The following SAFB2 variants were observed in gnomAD, a reference collection of about 807,000 sequenced individuals.
SAFB2 encodes scaffold attachment factor B2.
A neutral mutation model predicts 100.6 loss-of-function variants in SAFB2; 32 were observed. The ratio of observed to expected loss-of-function variants is 0.32; its 90% CI spans 0.24 to 0.43. The LOEUF is 0.43. Ranked by LOEUF, SAFB2 falls within the 20% of genes least tolerant of loss-of-function variation. The pLI is 1.00. For synonymous variants in SAFB2, 500 were observed against 439.4 expected (o/e 1.14, Z -1.72); for missense variants, 1,185 against 1,163.4 (o/e 1.02, Z -0.27).
At chr19:5,590,034 G>A (rs920614424) in intron 18 of SAFB2, among the ~76,000 whole-genome samples, 1 of 152,198 alleles carries the variant, frequency 6.6e-6, no homozygotes, top group East Asian at 1.9e-4. Flanking sequence ...GCGACCCCCA[G>A]CTCAAGAATG....
intron 2 of SAFB2, among the ~76,000 whole-genome samples, chr19:5,617,747 T>C (rs938331138): frequency 7.9e-5 from 12 of 152,094 alleles, no homozygotes; most frequent in Admixed American, 4.6e-4. Flanking sequence ...TCGGCCCAAA[T>C]TGTCAACAGT....
At chr19:5,598,745 G>A (rs754371365) in intron 13 of SAFB2, 48 bp downstream of exon 13, 5 of 1,534,004 alleles carry the variant, frequency 3.3e-6, no homozygotes, top group East Asian at 4.5e-5. Flanking sequence ...GGGCCGTGGA[G>A]CCATCGTGAG....
Position 5,598,898 on chromosome 19 carries a change from C to T in SAFB2, c.1691-14G>A, listed in dbSNP as rs1568213921. 6.2e-7 allele frequency: 1 copy of T among 1,613,384 alleles called. No homozygotes were observed. The highest frequency in any genetic ancestry group is 1.1e-5 in the South Asian group (1 of 91,048). Reference sequence around the variant, plus strand: ...TTCCTCTGCTTCCTTCAGGAAAAAACACAACAAACTATCAAAACCTGTGGA... The same window carrying T: ...TTCCTCTGCTTCCTTCAGGAAAAAATACAACAAACTATCAAAACCTGTGGA... On this transcript the variant is annotated splice_polypyrimidine_tract_variant and intron_variant, in intron 12 of 20. Coordinates refer to ENST00000252542, the MANE Select transcript of SAFB2 (RefSeq NM_014649.3).
intron 11 of SAFB2, among the ~76,000 whole-genome samples, chr19:5,601,929 CCT>C (rs1376529325): frequency 3.3e-5 from 5 of 152,004 alleles, no homozygotes; most frequent in Non-Finnish European, 5.9e-5. Flanking sequence ...TGGGATTACC[CCT>C]GACATTTACA....
chr19:5,612,337 GTAT>G, intron 6 of SAFB2, 200 bp downstream of exon 6: 1 of 608,858 alleles, frequency 1.6e-6, no homozygotes. Context: ...TGCACCAAAT[GTAT>G]TTGACCTCAA....
intron 9 of SAFB2, among the ~76,000 whole-genome samples, 156 bp downstream of exon 9, chr19:5,609,839 T>C (rs1431394820): frequency 1.3e-5 from 2 of 152,212 alleles, no homozygotes; most frequent in South Asian, 2.1e-4. Flanking sequence ...CATCTTGCTA[T>C]GTTGCCCAGG....
At chr19:5,613,565 G>C in intron 4 of SAFB2, 38 bp from the exon 5 acceptor site, 1 of 1,603,686 alleles carries the variant, frequency 6.2e-7, no homozygotes, top group Non-Finnish European at 8.5e-7. Context: ...GTGGAGGCTG[G>C]AGCTATGAAA....
intron 9 of SAFB2, among the ~76,000 whole-genome samples, chr19:5,605,777 C>T (rs191956212): frequency 2.0e-5 from 3 of 152,290 alleles, no homozygotes; most frequent in Admixed American, 6.5e-5. Flanking sequence ...ATCAGGCTGC[C>T]CAAGACAACA....
intron 9 of SAFB2, among the ~76,000 whole-genome samples, chr19:5,608,615 T>C (rs949221983): frequency 6.6e-6 from 1 of 152,192 alleles, no homozygotes; most frequent in Non-Finnish European, 1.5e-5. Flanking sequence ...GAACGGCTTC[T>C]GTAGCCAGAA....
intron 18 of SAFB2, among the ~76,000 whole-genome samples, chr19:5,588,520 A>G (rs955652575): frequency 3.3e-5 from 5 of 152,200 alleles, no homozygotes; most frequent in Non-Finnish European, 5.9e-5. Flanking sequence ...AGATAACACT[A>G]TGTAGTGTGT....
chr19:5,621,382 C>A lies in SAFB2; in HGVS notation c.201G>T (p.Glu67Asp). 1 of 1,612,790 alleles carries A rather than the reference C, an allele frequency of 6.2e-7. No individual in the cohort carries two copies. Reference sequence around the variant, plus strand: ...TGCCAATTTCATCAGGATCTTGCCCCTCTTCTTTAACCGCCTATTAGGGAG... The same window carrying A: ...TGCCAATTTCATCAGGATCTTGCCCATCTTCTTTAACCGCCTATTAGGGAG... ...MERLKKAVKE[E>D]GQDPDEIGIE... The change falls in exon 2 of 21, where the codon GAG becomes GAT. Residue 67 changes from glutamate (E) to aspartate (D), a missense_variant. Glu to Asp is a conservative substitution (Grantham distance 45, BLOSUM62 2). Transcript: ENST00000252542.
Position 5,602,259 on chromosome 19 carries a change from C to T in SAFB2, c.1560-1999G>A, listed in dbSNP as rs145908009. Among the ~76,000 whole-genome samples, 52 of 151,914 alleles carry T rather than the reference C, an allele frequency of 3.4e-4. No individual in the cohort carries two copies. The East Asian group carries it at 8.5e-3, about 25-fold the overall frequency. On this transcript the variant is annotated intron_variant, in intron 11 of 20. Coordinates refer to ENST00000252542, the MANE Select transcript of SAFB2 (RefSeq NM_014649.3). ...TTGGGAGGCTGAGGTGGGTGGATCACGAGGTCAGGAGATCAAGACCATCCT... is the reference window on the plus strand; with the variant it reads ...TTGGGAGGCTGAGGTGGGTGGATCATGAGGTCAGGAGATCAAGACCATCCT...
At chr19:5,615,326 G>A (rs543145732) in intron 4 of SAFB2, among the ~76,000 whole-genome samples, 2 of 152,302 alleles carry the variant, frequency 1.3e-5, no homozygotes, top group South Asian at 4.1e-4. Flanking sequence ...CTGCACTCCA[G>A]CCTGGGTGAC....
At position 5,611,488 on chromosome 19, in the gene SAFB2, T is replaced by C; in HGVS notation, c.777A>G (p.Leu259=). 1 of 418,346 alleles carries C rather than the reference T, an allele frequency of 2.4e-6. No individual in the cohort carries two copies. The highest frequency in any genetic ancestry group is 3.7e-5 in the East Asian group (1 of 27,160). 25.9% of individuals were successfully genotyped at this position (418,346 alleles called of 1,614,324 possible). ...CCTCTTCCGGATGGGCGCTGTCAAA[T>C]AGGTCCTCTTCCTCCGCAAGCTTTC... is the stretch of plus-strand genomic sequence containing the variant. The part of the protein sequence containing the change: ...PDRKLAEEED[L]FDSAHPEEGD... The change falls in exon 7 of 21, where the codon CTA becomes CTG. Residue 259 remains leucine (L), a synonymous_variant. Transcript: ENST00000252542.
rs937544517 is a variant in SAFB2, at chr19:5,590,217, C to A, written c.2525+61G>T. The stretch of plus-strand genomic sequence containing the variant: ...AACCTTGGGGACGTGCCTGGCCAGG[C>A]ACCAACCTTTTCCCAGGTTAGGACA... On this transcript the variant is annotated intron_variant, in intron 18 of 20. Transcript: ENST00000252542. The A allele has an allele frequency of 3.6e-6, 5 of 1,384,712 alleles. No homozygotes were observed. The African/African-American group carries it at 5.9e-5, about 16-fold the overall frequency. 85.8% of individuals were successfully genotyped at this position (1,384,712 alleles called of 1,614,324 possible).
chr19:5,618,254 C>G (rs1171102672), intron 2 of SAFB2, among the ~76,000 whole-genome samples: 4 of 152,032 alleles, frequency 2.6e-5, no homozygotes, highest in East Asian at 3.9e-4. Flanking sequence ...CTCAGCTACT[C>G]GGGAGGCTGA....
chr19:5,619,563 G>A (rs2053099533), intron 2 of SAFB2, among the ~76,000 whole-genome samples: 1 of 152,204 alleles, frequency 6.6e-6, no homozygotes, highest in Non-Finnish European at 1.5e-5. Context: ...TGCTAGGCCG[G>A]GCACAGTGGC....
intron 11 of SAFB2, among the ~76,000 whole-genome samples, chr19:5,602,956 C>T (rs1323516604): frequency 6.9e-6 from 1 of 144,494 alleles, no homozygotes; most frequent in Non-Finnish European, 1.5e-5. Context: ...ATCTGACACT[C>T]ATTACTCAGG....
Position 5,587,310 on chromosome 19 carries a change from C to A in SAFB2, c.2795G>T (p.Arg932Leu), listed in dbSNP as rs752536696. The A allele has an allele frequency of 2.5e-6, 4 of 1,612,368 alleles. No homozygotes were observed. In the African/African-American group the frequency reaches 4.0e-5, roughly 16 times the overall value. Reference sequence around the variant, plus strand: ...GTGTGGGTGAGGGACTCTGCTGCCCCGGTCCTGGCTGGCCACTCCGCCACC... The same window carrying A: ...GTGTGGGTGAGGGACTCTGCTGCCCAGGTCCTGGCTGGCCACTCCGCCACC... ...LEGGGVASQD[R>L]GSRVPHPHPH... The change falls in exon 21 of 21, where the codon CGG becomes CTG. Residue 932 changes from arginine (R) to leucine (L), a missense_variant. This residue lies in a region of SAFB2 where 740 missense variants were observed against 687.1 expected (regional missense o/e 1.08). Transcript: ENST00000252542. The surrounding 1 kb of genome is among the most constrained non-coding windows in gnomAD (Gnocchi z 4.9).
Sources: gnomAD v4.1 joint callset for allele counts (sites outside exome capture counted in the v4.1 genomes callset) on GRCh38, gnomAD v4.1.1 for gene constraint, gnomAD v4.1.1 regional missense constraint, Gnocchi (gnomAD v3.1) non-coding constraint, MANE v1.5 for transcripts, NCBI Gene and HGNC (gene_info 2026-07-23, HGNC 2026-07-21) for gene names.